YPEL1: variants seen among roughly 807,000 people sequenced by gnomAD.
YPEL1 encodes the protein protein yippee-like 1.
A neutral mutation model predicts 17.3 loss-of-function variants in YPEL1; 7 were observed. The ratio of observed to expected loss-of-function variants is 0.40; its 90% CI spans 0.23 to 0.76. The LOEUF (loss-of-function observed/expected upper bound fraction) is 0.76, where lower values mean the gene tolerates loss of function less well. Among genes scored for constraint, YPEL1 ranks in the 30% least tolerant of loss-of-function variants. The pLI is 0.35. For synonymous variants in YPEL1, 59 were observed against 59.6 expected, an observed-to-expected ratio of 0.99 and a Z score of 0.05; for missense variants, 91 against 155.5, an observed-to-expected ratio of 0.59 and a Z score of 2.21.
chr22:21,725,766 G>C (rs1406555293), intron 1 of YPEL1, among the ~76,000 whole-genome samples: 1 of 151,684 alleles, frequency 6.6e-6, no homozygotes, highest in African/African-American at 2.4e-5. Context: ...GCCAGGGCAG[G>C]AGGATCACTT....
At chr22:21,702,239 A>G (rs1475776975) in intron 4 of YPEL1, among the ~76,000 whole-genome samples, 1 of 152,192 alleles carries the variant, frequency 6.6e-6, no homozygotes, top group Admixed American at 6.5e-5. Context: ...GGGTGCAGCC[A>G]TAGAGGGGAA....
chr22:21,722,106 T>A (rs747952621), intron 1 of YPEL1, among the ~76,000 whole-genome samples: 1 of 152,184 alleles, frequency 6.6e-6, no homozygotes, highest in Non-Finnish European at 1.5e-5. Context: ...GGTATACACA[T>A]ACAGGGAAAG....
At chr22:21,728,034 G>A (rs1278544069) in intron 1 of YPEL1, among the ~76,000 whole-genome samples, 1 of 152,230 alleles carries the variant, frequency 6.6e-6, no homozygotes, top group Admixed American at 6.5e-5. Flanking sequence ...GTGCCAGGTG[G>A]ACAGAATGCC....
At chr22:21,707,230 C>T (rs1369997977) in intron 2 of YPEL1, among the ~76,000 whole-genome samples, 1 of 152,140 alleles carries the variant, frequency 6.6e-6, no homozygotes, top group Admixed American at 6.5e-5. Flanking sequence ...CCAGCCTGGA[C>T]AACATGGTGA....
At position 21,705,753 on chromosome 22, in the gene YPEL1, G is replaced by A. The variant is rs544820733; in HGVS notation, c.118-1871C>T. Among the ~76,000 whole-genome samples the A allele has an allele frequency of 9.6e-4, 146 of 151,680 alleles. 6 individuals carry two copies. The South Asian group carries it at 0.03, about 31-fold the overall frequency. On this transcript the variant is annotated intron_variant, in intron 2 of 4. Coordinates refer to ENST00000339468, the MANE Select transcript of YPEL1 (RefSeq NM_013313.5). ...CAACAAAAACGGGCTGAGGCAGGAG[G>A]ATTGCTTGAGCTCAGGAGTTCGAGA...
intron 1 of YPEL1, among the ~76,000 whole-genome samples, chr22:21,715,421 G>T (rs1185709927): frequency 6.6e-6 from 1 of 151,722 alleles, no homozygotes; most frequent in Non-Finnish European, 1.5e-5. Flanking sequence ...TTGAACCCGG[G>T]AGGCGGAGGC....
rs575849297 is a variant in YPEL1, at chr22:21,704,494, TA to T, written c.118-613del. ...CAACATGGTGAAACCCTGTCTCTAC[TA>T]AAAATACAAAAGTTAGCTGGGCGTG... On this transcript the variant is annotated intron_variant, in intron 2 of 4. Coordinates refer to ENST00000339468, the MANE Select transcript of YPEL1 (RefSeq NM_013313.5). 5.5e-4 allele frequency among the ~76,000 whole-genome samples: 83 copies of T among 152,064 alleles called. 2 individuals carry two copies. The South Asian group carries it at 0.017, about 31-fold the overall frequency.
chr22:21,703,534 C>T lies in YPEL1; in HGVS notation c.162-56G>A. 1 of 1,510,308 alleles carries T rather than the reference C, an allele frequency of 6.6e-7. No individual in the cohort carries two copies. 93.6% of individuals were successfully genotyped at this position (1,510,308 alleles called of 1,614,324 possible). On this transcript the variant is annotated intron_variant, in intron 3 of 4. Coordinates refer to ENST00000339468, the MANE Select transcript of YPEL1 (RefSeq NM_013313.5). This position sits in a 1 kb window ranked among gnomAD's most constrained non-coding sequence, Gnocchi z 6.1. ...GGCCCGGCCCGCCCCTGACCAGGCC[C>T]TGCCCCCTCAGCGGGCCCCACCCCA...
intron 1 of YPEL1, among the ~76,000 whole-genome samples, chr22:21,723,355 G>C (rs1467043906): frequency 6.7e-6 from 1 of 150,074 alleles, no homozygotes; most frequent in African/African-American, 2.5e-5. Context: ...CACTGCACCT[G>C]GTGGGGGATT....
chr22:21,705,690 G>T (rs183055014), intron 2 of YPEL1, among the ~76,000 whole-genome samples: 1 of 152,240 alleles, frequency 6.6e-6, no homozygotes, highest in African/African-American at 2.4e-5. Context: ...ATGGTCACAG[G>T]TTACAGTGTT....
chr22:21,722,415 C>CA (rs1252545007), intron 1 of YPEL1, among the ~76,000 whole-genome samples: 1 of 151,640 alleles, frequency 6.6e-6, no homozygotes, highest in Non-Finnish European at 1.5e-5. Context: ...GACTCGTTCT[C>CA]AAAAAAACCC....
rs953944061 is a variant in YPEL1 at position 21,710,572 on chromosome 22, G to A, written c.117+56C>T. ...GCTTAAATATTCTTCCACTATGTAG[G>A]TACCACAATGACAGATAATCATTGT... On this transcript the variant is annotated intron_variant, in intron 2 of 4. Transcript: ENST00000339468. 8.7e-6 allele frequency: 12 copies of A among 1,374,952 alleles called. No individual in the cohort carries two copies. In the Middle Eastern group the frequency reaches 8.9e-4, roughly 102 times the overall value. The allele number at this position is 1,374,952 out of a possible 1,614,324, so 85.2% of individuals were successfully genotyped here.
intron 1 of YPEL1, among the ~76,000 whole-genome samples, chr22:21,727,699 C>T (rs2068348405): frequency 6.6e-6 from 1 of 152,234 alleles, no homozygotes; most frequent in South Asian, 2.1e-4. Context: ...GCTTCTGACA[C>T]TTCATGGGAT....
rs1311646335 is a variant in YPEL1, at chr22:21,700,132, A to AAATAACACTGTACTTT, written c.*981_*996dup. The AAATAACACTGTACTTT allele has an allele frequency of 6.6e-6, 1 of 152,392 alleles. No homozygotes were observed. Among genetic ancestry groups the AAATAACACTGTACTTT allele is most frequent in the African/African-American group, 2.4e-5 (1 of 41,466 alleles). The allele number at this position is 152,392 out of a possible 1,614,324, so 9.4% of individuals were successfully genotyped here. On this transcript the variant is annotated 3_prime_UTR_variant, in exon 5 of 5. Transcript: ENST00000339468. ...TGTTGACTGCCTCTGGAAGATTCTT[A>AAATAACACTGTACTTT]AATAACACTGTACTTTAAGGGTTCA...
chr22:21,731,514 CCT>C (rs1453413990), intron 1 of YPEL1, among the ~76,000 whole-genome samples: 8 of 149,696 alleles, frequency 5.3e-5, no homozygotes, highest in African/African-American at 2.0e-4. Context: ...CATTAAAGGC[CCT>C]GTCTTGGGGC....
chr22:21,698,317 A>G lies in YPEL1; in HGVS notation c.*2812T>C, dbSNP rs1036626295. ...ACTACTAGTAAAAAATGTTCAATCA[A>G]TGCCGTCACAAAAGACAGTACAAAA... On this transcript the variant is annotated 3_prime_UTR_variant, in exon 5 of 5. Coordinates refer to ENST00000339468, the MANE Select transcript of YPEL1 (RefSeq NM_013313.5). 3 of 152,282 alleles carry G rather than the reference A, an allele frequency of 2.0e-5. No homozygotes were observed. Among genetic ancestry groups the G allele is most frequent in the Non-Finnish European group, 4.4e-5 (3 of 68,022 alleles). 9.4% of individuals were successfully genotyped at this position (152,282 alleles called of 1,614,324 possible).
At chr22:21,708,735 C>T (rs1352810559) in intron 2 of YPEL1, among the ~76,000 whole-genome samples, 2 of 149,196 alleles carry the variant, frequency 1.3e-5, no homozygotes, top group African/African-American at 2.5e-5. Context: ...GGCGCGATCT[C>T]GACTCACTGC....
chr22:21,726,720 G>C (rs1260438900), intron 1 of YPEL1, among the ~76,000 whole-genome samples: 4 of 152,212 alleles, frequency 2.6e-5, no homozygotes, highest in African/African-American at 9.7e-5. Context: ...CCAGCCTGCT[G>C]CCCTCCCTTG....
chr22:21,707,030 T>C (rs1008658008), intron 2 of YPEL1, among the ~76,000 whole-genome samples: 1 of 152,074 alleles, frequency 6.6e-6, no homozygotes, highest in African/African-American at 2.4e-5. Context: ...CTCCAAGGAA[T>C]GGAGCCGGAC....
Sources: allele counts gnomAD v4.1 joint callset (sites outside exome capture counted in the v4.1 genomes callset), GRCh38; gene constraint gnomAD v4.1.1; non-coding constraint Gnocchi (gnomAD v3.1); transcripts MANE v1.5; gene names NCBI Gene and HGNC (gene_info 2026-07-23, HGNC 2026-07-21).